Variants in CCDC91 observed in about 807,000 individuals in gnomAD.
CCDC91 encodes coiled-coil domain-containing protein 91.
A neutral mutation model predicts 63.2 loss-of-function variants in CCDC91; 48 were observed. The ratio of observed to expected loss-of-function variants is 0.76; its 90% CI spans 0.60 to 0.97. CCDC91 has a LOEUF of 0.97. Among genes scored for constraint, CCDC91 ranks in the 50% least tolerant of loss-of-function variants. CCDC91 has a pLI of 0.00. For synonymous variants in CCDC91, 167 were observed against 165.8 expected (o/e 1.01, Z -0.06); for missense variants, 500 against 494.6 (o/e 1.01, Z -0.10).
chr12:28,494,950 C>T (rs1952200979), intron 12 of CCDC91, among the ~76,000 whole-genome samples: 1 of 151,682 alleles, frequency 6.6e-6, no homozygotes, highest in Non-Finnish European at 1.5e-5. Context: ...GTGTTTAAGG[C>T]CCAGTTGGGC....
At chr12:28,228,946 AAC>A (rs1163849186) in intron 1 of CCDC91, among the ~76,000 whole-genome samples, 1 of 152,194 alleles carries the variant, frequency 6.6e-6, no homozygotes, top group Non-Finnish European at 1.5e-5. Context: ...TACATTATAA[AAC>A]ACAGAGTATG....
intron 8 of CCDC91, among the ~76,000 whole-genome samples, chr12:28,444,206 T>C (rs1176013749): frequency 6.6e-6 from 1 of 152,178 alleles, no homozygotes; most frequent in East Asian, 1.9e-4. Flanking sequence ...ATGAAACCTA[T>C]TGAGGTGGAG....
intron 1 of CCDC91, among the ~76,000 whole-genome samples, chr12:28,232,145 ATGGGTTTTC>A (rs1565645560): frequency 6.6e-6 from 1 of 152,088 alleles, no homozygotes; most frequent in Admixed American, 6.6e-5. Flanking sequence ...AATTGTGACC[ATGGGTTTTC>A]TGTTTTTTTA....
intron 12 of CCDC91, among the ~76,000 whole-genome samples, chr12:28,488,728 G>A (rs1951848905): frequency 6.6e-6 from 1 of 151,724 alleles, no homozygotes; most frequent in South Asian, 2.1e-4. Flanking sequence ...TAATAGAGAA[G>A]AAAAGGCAAA....
intron 3 of CCDC91, among the ~76,000 whole-genome samples, chr12:28,267,900 AATTAT>A (rs1205682320): frequency 0.17 from 13,016 of 75,840 alleles, 2,629 homozygotes; most frequent in Non-Finnish European, 0.26. Flanking sequence ...AATTATATAT[AATTAT>A]ATTATATATA....
chr12:28,229,194 C>T (rs1179000282), intron 1 of CCDC91, among the ~76,000 whole-genome samples: 1 of 142,386 alleles, frequency 7.0e-6, no homozygotes, highest in African/African-American at 2.6e-5. Flanking sequence ...GCTGCTGCTG[C>T]TTTTTTTTTT....
intron 11 of CCDC91, among the ~76,000 whole-genome samples, chr12:28,477,054 G>A (rs1201848861): frequency 6.6e-6 from 1 of 152,118 alleles, no homozygotes; most frequent in African/African-American, 2.4e-5. Flanking sequence ...ACAAGGAGGA[G>A]CTGGTACCAT....
At chr12:28,209,178 T>A (rs149862738) in intron 1 of CCDC91, among the ~76,000 whole-genome samples, 1 of 152,208 alleles carries the variant, frequency 6.6e-6, no homozygotes, top group African/African-American at 2.4e-5. Flanking sequence ...ATTAGTCTAC[T>A]ATTAATGTCA....
Position 28,427,477 on chromosome 12 carries a change from T to C in CCDC91, c.763-22684T>C, listed in dbSNP as rs116269416. Reference sequence around the variant, plus strand: ...AGACCCATGAAAGTATGAGAGCAACTAACCCCCCGACCCCACCCCTCACCA... The same window carrying C: ...AGACCCATGAAAGTATGAGAGCAACCAACCCCCCGACCCCACCCCTCACCA... On this transcript the variant is annotated intron_variant, in intron 8 of 12. Transcript: ENST00000536442. 9.2e-3 allele frequency among the ~76,000 whole-genome samples: 1,398 copies of C among 152,206 alleles called. 26 individuals carry two copies. The highest frequency in any genetic ancestry group is 0.032 in the African/African-American group (1,328 of 41,516).
intron 12 of CCDC91, among the ~76,000 whole-genome samples, chr12:28,515,349 T>G (rs1459739489): frequency 2.0e-5 from 3 of 151,890 alleles, no homozygotes; most frequent in African/African-American, 7.2e-5. Flanking sequence ...ACCTTCTCCC[T>G]GTTTCACATA....
chr12:28,497,948 C>T (rs1592852610), intron 12 of CCDC91, among the ~76,000 whole-genome samples: 6 of 151,536 alleles, frequency 4.0e-5, no homozygotes, highest in Admixed American at 3.3e-4. Context: ...TTCACATTTC[C>T]CTTTCCTTAT....
intron 8 of CCDC91, chr12:28,412,606 T>G (rs1947384852): frequency 2.8e-6 from 1 of 351,134 alleles, no homozygotes; most frequent in Admixed American, 3.5e-5. Context: ...ACCCAAAGAG[T>G]GAGAGGTAGC....
intron 8 of CCDC91, among the ~76,000 whole-genome samples, chr12:28,448,731 A>ATTT (rs34608506): frequency 6.6e-6 from 1 of 151,960 alleles, no homozygotes; most frequent in South Asian, 2.1e-4. Context: ...AATTCTAAAC[A>ATTT]TTTTTGTTTT....
intron 1 of CCDC91, among the ~76,000 whole-genome samples, chr12:28,194,985 G>A (rs1029913615): frequency 6.6e-5 from 10 of 152,166 alleles, no homozygotes; most frequent in Admixed American, 2.0e-4. Context: ...GATTTATTGC[G>A]AACAGTGAAA....
At chr12:28,243,335 G>C (rs1945472810) in intron 1 of CCDC91, among the ~76,000 whole-genome samples, 1 of 152,176 alleles carries the variant, frequency 6.6e-6, no homozygotes, top group African/African-American at 2.4e-5. Context: ...GGTGGAGGCA[G>C]ACAACTGGAA....
At chr12:28,247,760 C>G (rs1002603720) in intron 1 of CCDC91, among the ~76,000 whole-genome samples, 4 of 152,084 alleles carry the variant, frequency 2.6e-5, no homozygotes, top group Admixed American at 6.5e-5. Context: ...TTGTTGGCAC[C>G]AGGGACTGGT....
chr12:28,259,465 G>GTTTT, intron 3 of CCDC91, 23 bp downstream of exon 3: 36 of 1,144,888 alleles, frequency 3.1e-5, no homozygotes, highest in Middle Eastern at 2.2e-4. Flanking sequence ...AGGAATTAGG[G>GTTTT]TTTTTTTTTT....
intron 3 of CCDC91, among the ~76,000 whole-genome samples, chr12:28,273,139 T>G (rs1947902203): frequency 6.6e-6 from 1 of 152,104 alleles, no homozygotes; most frequent in African/African-American, 2.4e-5. Context: ...GGTTTCCAGC[T>G]TCATCCATGT....
intron 7 of CCDC91, among the ~76,000 whole-genome samples, chr12:28,377,593 A>G: frequency 6.6e-6 from 1 of 151,938 alleles, no homozygotes; most frequent in East Asian, 1.9e-4. Flanking sequence ...TTAGTTACTT[A>G]TTATTACATT....
Sources: gnomAD v4.1 joint callset for allele counts (sites outside exome capture counted in the v4.1 genomes callset) on GRCh38, gnomAD v4.1.1 for gene constraint, MANE v1.5 for transcripts, NCBI Gene and HGNC (gene_info 2026-07-23, HGNC 2026-07-21) for gene names.